The following SAR1A variants were observed in gnomAD, a reference collection of about 807,000 sequenced individuals.
The protein encoded by SAR1A is secretion associated Ras related GTPase 1A.
Under a neutral mutation model 22.6 loss-of-function variants are expected in SAR1A, and 6 were observed. That is an observed-to-expected ratio of 0.27 (90% CI 0.15 to 0.52). The LOEUF (loss-of-function observed/expected upper bound fraction) is 0.52, where lower values mean the gene tolerates loss of function less well. Ranked by LOEUF, SAR1A falls within the 20% of genes least tolerant of loss-of-function variation. SAR1A has a pLI of 0.96. For missense variants in SAR1A, 145 were observed against 245.1 expected (o/e 0.59, Z 2.73); for synonymous variants, 70 against 82.2 (o/e 0.85, Z 0.80).
chr10:70,155,107 A>G (rs1455087858), intron 5 of SAR1A: 1 of 528,302 alleles, frequency 1.9e-6, no homozygotes, highest in Non-Finnish European at 3.9e-6. Flanking sequence ...CAGTGTGAGA[A>G]GTGAGCTGCA....
chr10:70,152,508 C>T lies in SAR1A; in HGVS notation c.565G>A (p.Gly189Ser). The change falls in exon 7 of 7, where the codon GGT becomes AGT. Residue 189 changes from glycine to serine, a missense_variant. By Grantham distance (56) the Gly-to-Ser change is moderately conservative. Around this residue, in one of 3 missense-constraint regions of SAR1A, gnomAD observed 83 missense variants for 114.7 expected, o/e 0.72. Transcript: ENST00000373241. ...ATATACTGGGAGAGCCAGCGGAAAC[C>T]CTCGCCGTAACCTTGCCTCTTGAGC... ...SVLKRQGYGE[G>S]FRWLSQYID is the part of the protein sequence containing the mutation. 6.2e-7 allele frequency: 1 copy of T among 1,614,092 alleles called. No homozygotes were observed. Among genetic ancestry groups the T allele is most frequent in the Non-Finnish European group, 8.5e-7 (1 of 1,179,946 alleles).
chr10:70,149,772 C>G lies in SAR1A; in HGVS notation c.*2704G>C, dbSNP rs1839305869. ...GTTTCACCCTGTTCCCCAGGCTGGTCTCAAACTCCTGAGCTCAGACAATCC... is the reference window on the plus strand; with the variant it reads ...GTTTCACCCTGTTCCCCAGGCTGGTGTCAAACTCCTGAGCTCAGACAATCC... On this transcript the variant is annotated 3_prime_UTR_variant, in exon 7 of 7. Coordinates refer to ENST00000373241, the MANE Select transcript of SAR1A (RefSeq NM_020150.5). The G allele has an allele frequency of 6.6e-6, 1 of 151,854 alleles. No homozygotes were observed. The highest frequency in any genetic ancestry group is 1.5e-5 in the Non-Finnish European group (1 of 68,024). 9.4% of individuals were successfully genotyped at this position (151,854 alleles called of 1,614,324 possible).
chr10:70,157,474 T>C (rs1249401904), intron 5 of SAR1A, among the ~76,000 whole-genome samples: 1 of 151,276 alleles, frequency 6.6e-6, no homozygotes. Context: ...CTATTAATTA[T>C]GCTGGGACAA....
intron 4 of SAR1A, among the ~76,000 whole-genome samples, chr10:70,159,771 C>T (rs185326292): frequency 4.6e-5 from 7 of 152,342 alleles, no homozygotes; most frequent in Admixed American, 2.6e-4. Context: ...AATATTTATT[C>T]TCACATCTTA....
At chr10:70,157,255 C>T (rs754570112) in intron 5 of SAR1A, among the ~76,000 whole-genome samples, 1 of 151,796 alleles carries the variant, frequency 6.6e-6, no homozygotes, top group Non-Finnish European at 1.5e-5. Flanking sequence ...ATACAAAAAA[C>T]TAGCCGGGCG....
chr10:70,160,970 C>A (rs1236773121), intron 4 of SAR1A, 34 bp downstream of exon 4: 2 of 1,531,878 alleles, frequency 1.3e-6, no homozygotes, highest in African/African-American at 1.4e-5. Flanking sequence ...AAAAATAAGT[C>A]AATAAACATG....
At position 70,157,744 on chromosome 10, in the gene SAR1A, C is replaced by T. The variant is rs186683691; in HGVS notation, c.348+20G>A. On this transcript the variant is annotated intron_variant, in intron 5 of 6. Transcript: ENST00000373241. ...AGAACAAAATATACATTAAAATACA[C>T]ATTAAAGGACAAAACATACATTAAG... 623 of 1,565,132 alleles carry T rather than the reference C, an allele frequency of 4.0e-4. No individual in the cohort carries two copies. The highest frequency in any genetic ancestry group is 5.1e-4 in the Non-Finnish European group (585 of 1,136,922).
rs1390476877 is a variant in SAR1A, at chr10:70,150,692, G to A, written c.*1784C>T. On this transcript the variant is annotated 3_prime_UTR_variant, in exon 7 of 7. Coordinates refer to ENST00000373241, the MANE Select transcript of SAR1A (RefSeq NM_020150.5). ...ATATTACCTAGTTCATTCACTGTTA[G>A]CTAGATTTGTTCACTTAAGGCTTTA... 6.6e-6 allele frequency: 1 copy of A among 152,242 alleles called. No homozygotes were observed. Among genetic ancestry groups the A allele is most frequent in the Non-Finnish European group, 1.5e-5 (1 of 68,038 alleles). 9.4% of individuals were successfully genotyped at this position (152,242 alleles called of 1,614,324 possible). A position where few individuals can be genotyped will look rare whatever the true frequency, so the allele number is the denominator to read the frequency against.
Position 70,152,147 on chromosome 10 carries a change from C to G in SAR1A, c.*329G>C, listed in dbSNP as rs1359534134. 5 of 288,724 alleles carry G rather than the reference C, an allele frequency of 1.7e-5. No homozygotes were observed. Among genetic ancestry groups the G allele is most frequent in the Non-Finnish European group, 3.4e-5 (5 of 146,634 alleles). 17.9% of individuals were successfully genotyped at this position (288,724 alleles called of 1,614,324 possible). A position where few individuals can be genotyped will look rare whatever the true frequency, so the allele number is the denominator to read the frequency against. On this transcript the variant is annotated 3_prime_UTR_variant, in exon 7 of 7. Transcript: ENST00000373241. ...CAACGCTTTCTTTAAAAAATAGAAT[C>G]ACTTTCTTTTGAATCAACCACAGTG...
intron 6 of SAR1A, 68 bp from the exon 7 acceptor site, chr10:70,152,660 A>C: frequency 9.5e-7 from 1 of 1,057,972 alleles, no homozygotes; most frequent in Non-Finnish European, 1.5e-6. Flanking sequence ...AAGGACGATC[A>C]TTACAATCAT....
rs1463566636 is a variant in SAR1A at position 70,147,942 on chromosome 10, G to C, written c.*4534C>G. On this transcript the variant is annotated 3_prime_UTR_variant, in exon 7 of 7. Transcript: ENST00000373241. ...CGCCCAGGCTGGAGTGCAATGGTGC[G>C]ATCTCCGCTCACTGCAAACTCCGCC... 1 of 152,172 alleles carries C rather than the reference G, an allele frequency of 6.6e-6. No homozygotes were observed. Among genetic ancestry groups the C allele is most frequent in the African/African-American group, 2.4e-5 (1 of 41,436 alleles). 9.4% of individuals were successfully genotyped at this position (152,172 alleles called of 1,614,324 possible).
At chr10:70,169,073 C>T (rs901088345) in intron 1 of SAR1A, among the ~76,000 whole-genome samples, 1 of 152,194 alleles carries the variant, frequency 6.6e-6, no homozygotes, top group Non-Finnish European at 1.5e-5. Context: ...CACACCAACC[C>T]TACCAGGCAA....
chr10:70,155,131 G>C (rs1207438317), intron 5 of SAR1A: 1 of 524,646 alleles, frequency 1.9e-6, no homozygotes. Context: ...TATCCTAAAA[G>C]ACCACAAATC....
rs772376568 is a variant in SAR1A at position 70,161,079 on chromosome 10, T to G, written c.179-10A>C. The G allele has an allele frequency of 1.2e-6, 2 of 1,607,532 alleles. No homozygotes were observed. The highest frequency in any genetic ancestry group is 1.7e-5 in the Admixed American group (1 of 59,062). On this transcript the variant is annotated splice_polypyrimidine_tract_variant and intron_variant, in intron 3 of 6. Coordinates refer to ENST00000373241, the MANE Select transcript of SAR1A (RefSeq NM_020150.5). ...GTTAGCTCTTCTGATGCTGAAAAAT[T>G]GTTTAAAAAGAAGAAAAAAACTTGT...
intron 1 of SAR1A, among the ~76,000 whole-genome samples, chr10:70,165,887 C>T (rs566752317): frequency 6.6e-6 from 1 of 152,310 alleles, no homozygotes; most frequent in Non-Finnish European, 1.5e-5. Context: ...ATGCAACAAA[C>T]TTCCTTGTTG....
intron 1 of SAR1A, among the ~76,000 whole-genome samples, chr10:70,168,228 A>G (rs1839577847): frequency 6.6e-6 from 1 of 152,246 alleles, no homozygotes; most frequent in Non-Finnish European, 1.5e-5. Context: ...GGAAAATAAA[A>G]TGGAAAATTA....
intron 5 of SAR1A, among the ~76,000 whole-genome samples, chr10:70,154,739 G>T (rs1485182465): frequency 6.6e-6 from 1 of 152,154 alleles, no homozygotes; most frequent in African/African-American, 2.4e-5. Flanking sequence ...GGAATTACAG[G>T]CATGAGCCAC....
intron 1 of SAR1A, among the ~76,000 whole-genome samples, chr10:70,165,512 T>C (rs1177720994): frequency 6.6e-6 from 1 of 152,110 alleles, no homozygotes; most frequent in Non-Finnish European, 1.5e-5. Flanking sequence ...GAGGAAGAAG[T>C]AACCTTAGAT....
At chr10:70,156,752 T>A (rs933849135) in intron 5 of SAR1A, among the ~76,000 whole-genome samples, 1 of 150,030 alleles carries the variant, frequency 6.7e-6, no homozygotes, top group Non-Finnish European at 1.5e-5. Context: ...GTGAGAAACA[T>A]ACTTAGAAAT....
Sources: gnomAD v4.1 joint callset for allele counts (sites outside exome capture counted in the v4.1 genomes callset) on GRCh38, gnomAD v4.1.1 for gene constraint, gnomAD v4.1.1 regional missense constraint, MANE v1.5 for transcripts, NCBI Gene and HGNC (gene_info 2026-07-23, HGNC 2026-07-21) for gene names.